MYO16: variants seen among roughly 807,000 people sequenced by gnomAD.
MYO16 encodes the protein myosin XVI.
A neutral mutation model predicts 205.3 loss-of-function variants in MYO16; 94 were observed. The ratio of observed to expected loss-of-function variants is 0.46; its 90% CI spans 0.39 to 0.54. MYO16 has a LOEUF of 0.54. Among genes scored for constraint, MYO16 ranks in the 20% least tolerant of loss-of-function variants. The probability of loss-of-function intolerance (pLI) is 0.00; values close to 1 mark genes in which losing one functional copy is unlikely to be tolerated. For missense variants in MYO16, 2,315 were observed against 2,387.5 expected (o/e 0.97, Z 0.63); for synonymous variants, 988 against 954.0 (o/e 1.04, Z -0.66).
At chr13:108,958,990 T>C (rs1285454476) in intron 17 of MYO16, among the ~76,000 whole-genome samples, 3 of 152,174 alleles carry the variant, frequency 2.0e-5, no homozygotes, top group African/African-American at 7.2e-5. Context: ...TGGATTTGGG[T>C]CTGTGTTTAT....
At chr13:108,847,964 G>A (rs185990562) in intron 10 of MYO16, among the ~76,000 whole-genome samples, 32 of 152,068 alleles carry the variant, frequency 2.1e-4, no homozygotes, top group Admixed American at 1.8e-3. Context: ...TCTTCATTCC[G>A]TTTGGTGAAG....
At chr13:108,738,736 G>A (rs1387924287) in intron 4 of MYO16, among the ~76,000 whole-genome samples, 2 of 152,066 alleles carry the variant, frequency 1.3e-5, no homozygotes, top group African/African-American at 2.4e-5. Context: ...TGACAGTGGG[G>A]TATTAAAATC....
chr13:109,023,630 C>T (rs1436581776), intron 23 of MYO16, among the ~76,000 whole-genome samples: 1 of 94,754 alleles, frequency 1.1e-5, no homozygotes, highest in Non-Finnish European at 2.2e-5. Context: ...AATATATAGA[C>T]AAATATATAT....
At chr13:109,178,290 C>G (rs769486996) in intron 33 of MYO16, among the ~76,000 whole-genome samples, 5 of 151,898 alleles carry the variant, frequency 3.3e-5, no homozygotes, top group Non-Finnish European at 7.4e-5. Flanking sequence ...AGCAAGAGAC[C>G]CCCCCCACCC....
chr13:108,825,841 A>G (rs949168623), intron 9 of MYO16, among the ~76,000 whole-genome samples: 5 of 151,882 alleles, frequency 3.3e-5, no homozygotes, highest in African/African-American at 1.2e-4. Flanking sequence ...TAGGTTAGAA[A>G]AAAAAGGAAA....
intron 3 of MYO16, among the ~76,000 whole-genome samples, chr13:108,713,569 T>A (rs561257927): frequency 1.3e-5 from 2 of 152,312 alleles, no homozygotes; most frequent in East Asian, 3.9e-4. Context: ...CAAAGATTCT[T>A]ACTTATTTTT....
chr13:108,817,862 A>G (rs1875717938), intron 7 of MYO16, among the ~76,000 whole-genome samples: 2 of 152,150 alleles, frequency 1.3e-5, no homozygotes, highest in Admixed American at 6.5e-5. Flanking sequence ...AGGACTTACT[A>G]TTCTCTATAA....
At chr13:108,504,841 C>T in the MYO16 span, among the ~76,000 whole-genome samples, 110 of 152,248 alleles carry the variant, frequency 7.2e-4, no homozygotes, top group Non-Finnish European at 1.1e-3. Flanking sequence ...TGCCAATAAC[C>T]ACATTCTATT....
intron 23 of MYO16, among the ~76,000 whole-genome samples, chr13:109,039,469 C>T (rs1886816616): frequency 6.6e-6 from 1 of 152,112 alleles, no homozygotes; most frequent in African/African-American, 2.4e-5. Context: ...ACTAAGCAAA[C>T]TCAAAAGAAT....
At chr13:108,803,890 G>A (rs754669343) in intron 6 of MYO16, among the ~76,000 whole-genome samples, 55 of 152,188 alleles carry the variant, frequency 3.6e-4, no homozygotes, top group Admixed American at 1.0e-3. Context: ...GTATGTGGAA[G>A]GGTGAGGGAC....
At chr13:108,498,494 A>C in the MYO16 span, among the ~76,000 whole-genome samples, 645 of 151,978 alleles carry the variant, frequency 4.2e-3, 1 homozygote, top group African/African-American at 0.014. Flanking sequence ...TCCTCTCCTT[A>C]CTCCCTTCCT....
chr13:108,866,529 A>G (rs1448620211), intron 12 of MYO16, among the ~76,000 whole-genome samples: 1 of 152,096 alleles, frequency 6.6e-6, no homozygotes. Context: ...TTTTCCATAC[A>G]TTTTTCACTA....
intron 27 of MYO16, among the ~76,000 whole-genome samples, chr13:109,074,622 A>G (rs1350893447): frequency 6.6e-6 from 1 of 152,108 alleles, no homozygotes; most frequent in East Asian, 1.9e-4. Context: ...GGGGAACAGC[A>G]TGGGGAACAT....
chr13:109,104,074 G>A (rs1889051695), intron 28 of MYO16, among the ~76,000 whole-genome samples: 1 of 152,128 alleles, frequency 6.6e-6, no homozygotes, highest in Non-Finnish European at 1.5e-5. Context: ...GTCTTAATTA[G>A]AGATCAGTGT....
At chr13:108,634,283 A>C (rs1327847786) in intron 1 of MYO16, among the ~76,000 whole-genome samples, 1 of 152,110 alleles carries the variant, frequency 6.6e-6, no homozygotes, top group African/African-American at 2.4e-5. Flanking sequence ...GTGTCTGCGC[A>C]TGTATTCCTC....
chr13:108,647,233 C>T lies in MYO16; in HGVS notation c.28+17361C>T, dbSNP rs115748962. On this transcript the variant is annotated intron_variant, in intron 1 of 34. Transcript: ENST00000457511. ...TCTTCATAATCCCTATCATTTACCC[C>T]GGCATTGCATTTTTTTTGTTCGAAC... is the stretch of plus-strand genomic sequence containing the variant. Among the ~76,000 whole-genome samples the T allele has an allele frequency of 3.6e-3, 553 of 152,188 alleles. 5 individuals are homozygous for T. The highest frequency in any genetic ancestry group is 0.012 in the African/African-American group (507 of 41,526).
Position 108,936,085 on chromosome 13 carries a change from T to TTTCCTTCC in MYO16, c.1926-21547_1926-21540dup, listed in dbSNP as rs56030003. Among the ~76,000 whole-genome samples the TTTCCTTCC allele has an allele frequency of 3.6e-3, 463 of 129,088 alleles. 1 individual carries two copies. The highest frequency in any genetic ancestry group is 0.011 in the Middle Eastern group (3 of 272). 84.7% of individuals were successfully genotyped at this position (129,088 alleles called of 152,430 possible). A position where few individuals can be genotyped will look rare whatever the true frequency, so the allele number is the denominator to read the frequency against. On this transcript the variant is annotated intron_variant, in intron 16 of 34. Transcript: ENST00000457511. ...TGTTCATCAGGGATATTGGCTATAG[T>TTTCCTTCC]TTCCTTCCTTCCTTCCTTCCTTCCT... is the stretch of plus-strand genomic sequence containing the variant.
chr13:108,988,093 A>G (rs1025161858), intron 20 of MYO16, among the ~76,000 whole-genome samples: 24 of 152,196 alleles, frequency 1.6e-4, no homozygotes, highest in African/African-American at 5.1e-4. Context: ...TCTAATTCAT[A>G]TGTTAATTTT....
chr13:108,790,189 G>A (rs1177597950), intron 5 of MYO16, among the ~76,000 whole-genome samples: 5 of 152,204 alleles, frequency 3.3e-5, no homozygotes, highest in Non-Finnish European at 7.3e-5. Flanking sequence ...TAGCGGCAAA[G>A]AGTAGCCCTA....
Sources: gnomAD v4.1 joint callset for allele counts (sites outside exome capture counted in the v4.1 genomes callset) on GRCh38, gnomAD v4.1.1 for gene constraint, MANE v1.5 for transcripts, NCBI Gene and HGNC (gene_info 2026-07-23, HGNC 2026-07-21) for gene names.